The following KHDRBS2 variants were observed in gnomAD, a reference collection of about 807,000 sequenced individuals.
KHDRBS2 encodes the protein KH domain-containing, RNA-binding, signal transduction-associated protein 2.
Under a neutral mutation model 44.3 loss-of-function variants are expected in KHDRBS2, and 26 were observed. The observed-to-expected ratio is 0.59, with a 90% CI of 0.43 to 0.81. The LOEUF is 0.81. Ranked by LOEUF, KHDRBS2 falls within the 40% of genes least tolerant of loss-of-function variation. The pLI, the probability that KHDRBS2 is intolerant of heterozygous loss-of-function variation, is 0.00. For missense variants in KHDRBS2, 476 were observed against 433.1 expected (o/e 1.10, Z -0.88); for synonymous variants, 194 against 151.1 (o/e 1.28, Z -2.08).
At chr6:62,106,831 A>G (rs1167158339) in intron 2 of KHDRBS2, among the ~76,000 whole-genome samples, 1 of 152,142 alleles carries the variant, frequency 6.6e-6, no homozygotes, top group African/African-American at 2.4e-5. Flanking sequence ...AACAGAACCA[A>G]AGACAAAAAC....
At chr6:61,673,522 A>T in the KHDRBS2 span, among the ~76,000 whole-genome samples, 2 of 146,794 alleles carry the variant, frequency 1.4e-5, no homozygotes, top group South Asian at 2.2e-4. Context: ...TATCTAGAAA[A>T]CCCCATCGTC....
At chr6:61,591,495 G>A in the KHDRBS2 span, among the ~76,000 whole-genome samples, 1 of 152,044 alleles carries the variant, frequency 6.6e-6, no homozygotes, top group Non-Finnish European at 1.5e-5. Flanking sequence ...ATTTCCTGTT[G>A]GAGAAACCAT....
intron 4 of KHDRBS2, among the ~76,000 whole-genome samples, chr6:61,962,670 G>C (rs1442315524): frequency 6.6e-6 from 1 of 151,968 alleles, no homozygotes; most frequent in Admixed American, 6.6e-5. Flanking sequence ...AATAAATCTG[G>C]AGGATAACTG....
intron 2 of KHDRBS2, among the ~76,000 whole-genome samples, chr6:62,107,205 G>A (rs1003428051): frequency 4.6e-5 from 7 of 152,002 alleles, no homozygotes; most frequent in African/African-American, 9.7e-5. Context: ...CATTGTCTCA[G>A]CCCAAAATCT....
At chr6:61,931,392 A>C (rs2127367281) in intron 4 of KHDRBS2, among the ~76,000 whole-genome samples, 1 of 152,052 alleles carries the variant, frequency 6.6e-6, no homozygotes, top group East Asian at 1.9e-4. Context: ...AGAAACCTGA[A>C]ATGTTGGACT....
chr6:62,162,951 G>C (rs1234689775), intron 2 of KHDRBS2, among the ~76,000 whole-genome samples: 1 of 152,002 alleles, frequency 6.6e-6, no homozygotes, highest in Non-Finnish European at 1.5e-5. Flanking sequence ...TTGAATCTGA[G>C]ATATCTAGAT....
chr6:61,730,496 T>TA (rs2127559974), intron 7 of KHDRBS2, among the ~76,000 whole-genome samples: 1 of 152,104 alleles, frequency 6.6e-6, no homozygotes, highest in East Asian at 1.9e-4. Flanking sequence ...TTGGAACAAA[T>TA]AACGAAAATG....
chr6:61,916,965 A>ATTTTTTTTTTT lies in KHDRBS2; in HGVS notation c.484-15605_484-15595dup, dbSNP rs10700035. 3.4e-3 allele frequency among the ~76,000 whole-genome samples: 308 copies of ATTTTTTTTTTT among 90,614 alleles called. 9 individuals are homozygous for ATTTTTTTTTTT. The highest frequency in any genetic ancestry group is 3.9e-3 in the Non-Finnish European group (187 of 48,032). The allele number at this position is 90,614 out of a possible 152,430, so 59.4% of individuals were successfully genotyped here. A position where few individuals can be genotyped will look rare whatever the true frequency, so the allele number is the denominator to read the frequency against. Reference sequence around the variant, plus strand: ...GGATGTGGAGAAACAGGAACTCTGTATTTTTTTTTTTTTTTTTTTTTTTTG... The same window carrying ATTTTTTTTTTT: ...GGATGTGGAGAAACAGGAACTCTGTATTTTTTTTTTTTTTTTTTTTTTTTTTTTTTTTTTTG... On this transcript the variant is annotated intron_variant, in intron 4 of 8. Transcript: ENST00000281156.
rs144986414 is a variant in KHDRBS2, at chr6:61,795,116, C to T, written c.811-62352G>A. ...ATCGTGCCACTGCACTCCAGCCTGG[C>T]GACTGGCAACAGAGCGAGACTCCGT... On this transcript the variant is annotated intron_variant, in intron 6 of 8. Transcript: ENST00000281156. Among the ~76,000 whole-genome samples, 59 of 117,072 alleles carry T rather than the reference C, an allele frequency of 5.0e-4. 1 individual carries two copies. The highest frequency in any genetic ancestry group is 7.1e-3 in the Middle Eastern group (1 of 140). The allele number at this position is 117,072 out of a possible 152,430, so 76.8% of individuals were successfully genotyped here. A position where few individuals can be genotyped will look rare whatever the true frequency, so the allele number is the denominator to read the frequency against.
chr6:61,662,058 A>C, the KHDRBS2 span, among the ~76,000 whole-genome samples: 118 of 151,982 alleles, frequency 7.8e-4, no homozygotes, highest in Middle Eastern at 6.9e-3. Flanking sequence ...AGATATAGAC[A>C]AATGGAACAG....
At chr6:62,190,600 C>A (rs1292705226) in intron 1 of KHDRBS2, among the ~76,000 whole-genome samples, 2 of 152,110 alleles carry the variant, frequency 1.3e-5, no homozygotes, top group Admixed American at 1.3e-4. Flanking sequence ...ACACCAAGCC[C>A]AAACTACCTT....
rs562822608 is a variant in KHDRBS2 at position 61,901,090 on chromosome 6, T to A, written c.611+154A>T. Among the ~76,000 whole-genome samples, 9 of 152,334 alleles carry A rather than the reference T, an allele frequency of 5.9e-5. No homozygotes were observed. In the South Asian group the frequency reaches 1.0e-3, roughly 18 times the overall value. ...TGACTTAACATGTGTAAAGCTCTTCTGTGCCTGATAAGCTTTCATCGTTAT... is the reference window on the plus strand; with the variant it reads ...TGACTTAACATGTGTAAAGCTCTTCAGTGCCTGATAAGCTTTCATCGTTAT... On this transcript the variant is annotated intron_variant, in intron 5 of 8. Transcript: ENST00000281156.
At chr6:61,835,545 C>T (rs756431033) in intron 6 of KHDRBS2, among the ~76,000 whole-genome samples, 1 of 151,994 alleles carries the variant, frequency 6.6e-6, no homozygotes, top group South Asian at 2.1e-4. Context: ...GTGCAGGGTA[C>T]TACAGAAAGA....
At chr6:61,609,469 TCC>T in the KHDRBS2 span, among the ~76,000 whole-genome samples, 61 of 152,342 alleles carry the variant, frequency 4.0e-4, 1 homozygote, top group Middle Eastern at 3.4e-3. Context: ...TGTTGGTGAA[TCC>T]CTTTCCAAGA....
At chr6:61,639,108 T>A in the KHDRBS2 span, among the ~76,000 whole-genome samples, 89,802 of 151,916 alleles carry the variant, frequency 0.59, 26,773 homozygotes, top group African/African-American at 0.61. Context: ...AACAGTTTTT[T>A]AAGTTCCCTT....
chr6:61,885,956 C>T (rs960470502), intron 6 of KHDRBS2, among the ~76,000 whole-genome samples: 6 of 152,108 alleles, frequency 3.9e-5, no homozygotes, highest in African/African-American at 1.4e-4. Flanking sequence ...TTACTCCTCC[C>T]AAATGCATTT....
intron 1 of KHDRBS2, among the ~76,000 whole-genome samples, chr6:62,243,656 A>G (rs1007033168): frequency 6.6e-6 from 1 of 152,156 alleles, no homozygotes; most frequent in Non-Finnish European, 1.5e-5. Context: ...AACCGCTAGA[A>G]AACAGAATTG....
the KHDRBS2 span, among the ~76,000 whole-genome samples, chr6:61,608,624 T>C: frequency 9.9e-5 from 15 of 151,326 alleles, no homozygotes; most frequent in Non-Finnish European, 2.2e-4. Context: ...GTGTGTGATG[T>C]TCCCCTCTCT....
chr6:61,629,502 A>G, the KHDRBS2 span, among the ~76,000 whole-genome samples: 2 of 152,196 alleles, frequency 1.3e-5, no homozygotes, highest in Non-Finnish European at 2.9e-5. Context: ...TACACGATTC[A>G]GCATTCACTT....
Sources: allele counts gnomAD v4.1 joint callset (sites outside exome capture counted in the v4.1 genomes callset), GRCh38; gene constraint gnomAD v4.1.1; transcripts MANE v1.5; gene names NCBI Gene and HGNC (gene_info 2026-07-23, HGNC 2026-07-21).